Variants in SLC9A9 observed in about 807,000 individuals in gnomAD.
SLC9A9 encodes sodium/hydrogen exchanger 9.
In SLC9A9, 62 loss-of-function variants were observed where a neutral mutation model predicts 77.8. That is an observed-to-expected ratio of 0.80 (90% CI 0.65 to 0.98). The LOEUF is 0.98. SLC9A9 is among the 50% of genes least tolerant of loss of function. The pLI is 0.00. For synonymous variants in SLC9A9, 320 were observed against 283.5 expected, an observed-to-expected ratio of 1.13 and a Z score of -1.29; for missense variants, 775 against 774.9, an observed-to-expected ratio of 1.00 and a Z score of 0.00.
chr3:143,451,430 C>A (rs572953183), intron 12 of SLC9A9, among the ~76,000 whole-genome samples: 1 of 152,166 alleles, frequency 6.6e-6, no homozygotes, highest in Non-Finnish European at 1.5e-5. Flanking sequence ...TGTTTCATTG[C>A]AACTTTTTGG....
chr3:143,474,660 T>C (rs2035438210), intron 11 of SLC9A9, among the ~76,000 whole-genome samples: 1 of 151,928 alleles, frequency 6.6e-6, no homozygotes, highest in Non-Finnish European at 1.5e-5. Flanking sequence ...CTGAGCTGCC[T>C]ATTAGTCTTC....
chr3:143,285,225 C>T (rs1938349824), intron 14 of SLC9A9, among the ~76,000 whole-genome samples: 1 of 152,122 alleles, frequency 6.6e-6, no homozygotes, highest in Non-Finnish European at 1.5e-5. Flanking sequence ...TAATGCTAGC[C>T]CTCTCCTAGC....
rs554500991 is a variant in SLC9A9 at position 143,451,885 on chromosome 3, A to G, written c.1469+15152T>C. Among the ~76,000 whole-genome samples the G allele has an allele frequency of 6.6e-5, 10 of 152,248 alleles. No individual in the cohort carries two copies. In the East Asian group the frequency reaches 1.9e-3, roughly 29 times the overall value. On this transcript the variant is annotated intron_variant, in intron 12 of 15. Transcript: ENST00000316549. ...GGCAAATATATACATACAATTAGTA[A>G]TATATATGATTAATAATATAGAAAT...
At chr3:143,577,465 C>T (rs1559976342) in intron 7 of SLC9A9, among the ~76,000 whole-genome samples, 2 of 152,198 alleles carry the variant, frequency 1.3e-5, no homozygotes, top group Non-Finnish European at 2.9e-5. Flanking sequence ...TTTCCAGAAT[C>T]ATAAAGTTGG....
chr3:143,803,565 T>C (rs1029146554), intron 2 of SLC9A9, among the ~76,000 whole-genome samples: 24 of 152,200 alleles, frequency 1.6e-4, no homozygotes, highest in African/African-American at 5.8e-4. Flanking sequence ...TTAGAGTGGA[T>C]AGAGGATCTT....
chr3:143,306,018 C>A (rs2030764647), intron 14 of SLC9A9, among the ~76,000 whole-genome samples: 1 of 152,022 alleles, frequency 6.6e-6, no homozygotes, highest in African/African-American at 2.4e-5. Flanking sequence ...TTGATTTTTT[C>A]CCCCTTGTAT....
chr3:143,696,626 A>T (rs1255179861), intron 4 of SLC9A9, among the ~76,000 whole-genome samples: 1 of 152,188 alleles, frequency 6.6e-6, no homozygotes, highest in Non-Finnish European at 1.5e-5. Context: ...CTACAGTTCA[A>T]ATATTGAATA....
At chr3:143,808,805 AAGAATT>A (rs1266113762) in intron 2 of SLC9A9, among the ~76,000 whole-genome samples, 4 of 152,196 alleles carry the variant, frequency 2.6e-5, no homozygotes, top group African/African-American at 9.7e-5. Context: ...AGATGGTTAT[AAGAATT>A]AAATGAATTA....
At chr3:143,497,227 A>T (rs1305681008) in intron 9 of SLC9A9, among the ~76,000 whole-genome samples, 1 of 152,062 alleles carries the variant, frequency 6.6e-6, no homozygotes, top group Non-Finnish European at 1.5e-5. Flanking sequence ...TCCCCATCCC[A>T]ACTGTATTTT....
intron 10 of SLC9A9, 25 bp downstream of exon 10, chr3:143,495,310 C>T (rs2035813839): frequency 6.5e-7 from 1 of 1,528,992 alleles, no homozygotes; most frequent in South Asian, 1.1e-5. Context: ...TCTAATCACC[C>T]CATGTTCTGT....
In SLC9A9 at chr3:143,266,031, G is replaced by A. The variant is rs779660452; in HGVS notation, c.*671C>T. 24 of 701,928 alleles carry A rather than the reference G, an allele frequency of 3.4e-5. No homozygotes were observed. Among genetic ancestry groups the A allele is most frequent in the Non-Finnish European group, 1.0e-5 (4 of 384,636 alleles). The allele number at this position is 701,928 out of a possible 1,614,324, so 43.5% of individuals were successfully genotyped here. On this transcript the variant is annotated 3_prime_UTR_variant, in exon 16 of 16. Coordinates refer to ENST00000316549, the MANE Select transcript of SLC9A9 (RefSeq NM_173653.4). Reference sequence around the variant, plus strand: ...TCCTACTAAGCTTGAAAGTGGTGCTGCATTTAGGGCAGGGCACACCCAGCC... The same window carrying A: ...TCCTACTAAGCTTGAAAGTGGTGCTACATTTAGGGCAGGGCACACCCAGCC...
chr3:143,620,812 C>T (rs959724852), intron 6 of SLC9A9, among the ~76,000 whole-genome samples: 4 of 152,072 alleles, frequency 2.6e-5, no homozygotes, highest in African/African-American at 4.8e-5. Context: ...TGAAGCAGGG[C>T]GAGGCATTGT....
At chr3:143,720,705 C>T (rs939194772) in intron 4 of SLC9A9, among the ~76,000 whole-genome samples, 15 of 152,164 alleles carry the variant, frequency 9.9e-5, no homozygotes, top group African/African-American at 3.6e-4. Context: ...GCTGCCCCTC[C>T]TAACCTCCCC....
intron 13 of SLC9A9, among the ~76,000 whole-genome samples, chr3:143,377,920 T>G (rs924178131): frequency 6.6e-6 from 1 of 152,230 alleles, no homozygotes; most frequent in Admixed American, 6.5e-5. Context: ...GCTGCTTTTG[T>G]GCACACCATA....
chr3:143,578,530 A>G (rs1476425136), intron 7 of SLC9A9, 55 bp downstream of exon 7: 34 of 1,612,736 alleles, frequency 2.1e-5, no homozygotes, highest in Non-Finnish European at 2.9e-5. Context: ...GAAATATTCC[A>G]TGGATACTGA....
chr3:143,595,997 A>AT (rs2037745821), intron 6 of SLC9A9, among the ~76,000 whole-genome samples: 1 of 151,964 alleles, frequency 6.6e-6, no homozygotes, highest in Non-Finnish European at 1.5e-5. Context: ...TGTTTCAGTC[A>AT]TTTTTCTGGA....
chr3:143,273,306 T>C (rs1466812106), intron 14 of SLC9A9, among the ~76,000 whole-genome samples: 1 of 152,246 alleles, frequency 6.6e-6, no homozygotes, highest in African/African-American at 2.4e-5. Context: ...GCTAGGGTTA[T>C]GTTGAAGCCC....
intron 1 of SLC9A9, among the ~76,000 whole-genome samples, chr3:143,837,449 T>A (rs976293141): frequency 6.6e-6 from 1 of 152,212 alleles, no homozygotes. Flanking sequence ...TCTCACTGCA[T>A]TGAGTGGCTA....
chr3:143,656,120 A>C (rs912298996), intron 5 of SLC9A9, among the ~76,000 whole-genome samples: 1 of 152,200 alleles, frequency 6.6e-6, no homozygotes, highest in East Asian at 1.9e-4. Context: ...GGAGAGAAAC[A>C]CATGAGTTAG....
Sources: gnomAD v4.1 joint callset for allele counts (sites outside exome capture counted in the v4.1 genomes callset) on GRCh38, gnomAD v4.1.1 for gene constraint, MANE v1.5 for transcripts, NCBI Gene and HGNC (gene_info 2026-07-23, HGNC 2026-07-21) for gene names.